THADA: variants seen among roughly 807,000 people sequenced by gnomAD.
The protein encoded by THADA is THADA armadillo repeat containing, also known as tRNA (32-2'-O)-methyltransferase regulator THADA.
A neutral mutation model predicts 219.8 loss-of-function variants in THADA; 213 were observed. The observed-to-expected ratio is 0.97, with a 90% CI of 0.87 to 1.09. The LOEUF (loss-of-function observed/expected upper bound fraction) is 1.09, where lower values mean the gene tolerates loss of function less well. THADA is among the 50% of genes least tolerant of loss of function. The probability of loss-of-function intolerance (pLI) is 0.00; values close to 1 mark genes in which losing one functional copy is unlikely to be tolerated. For missense variants in THADA, 2,956 were observed against 2,311.3 expected, an observed-to-expected ratio of 1.28 and a Z score of -5.72; for synonymous variants, 1,018 against 828.9, an observed-to-expected ratio of 1.23 and a Z score of -3.92.
intron 26 of THADA, among the ~76,000 whole-genome samples, chr2:43,469,887 A>T (rs1315333608): frequency 6.6e-6 from 1 of 152,196 alleles, no homozygotes; most frequent in Non-Finnish European, 1.5e-5. Context: ...ATTCCTGAGT[A>T]GGAAGGTGAC....
chr2:43,265,935 AC>A (rs1400743954), intron 36 of THADA, among the ~76,000 whole-genome samples: 1 of 394 alleles, frequency 2.5e-3, no homozygotes, highest in Non-Finnish European at 4.3e-3. Flanking sequence ...TTTGAAACAC[AC>A]ACACACACAC....
intron 29 of THADA, among the ~76,000 whole-genome samples, chr2:43,377,378 T>C (rs193143611): frequency 6.6e-6 from 1 of 152,224 alleles, no homozygotes; most frequent in East Asian, 1.9e-4. Flanking sequence ...CCCTCCTCTT[T>C]AGACATAGAT....
intron 36 of THADA, among the ~76,000 whole-genome samples, chr2:43,240,710 C>T (rs1572730394): frequency 6.6e-6 from 1 of 152,330 alleles, no homozygotes; most frequent in East Asian, 1.9e-4. Flanking sequence ...ACAAATGGCC[C>T]AGAGGAAGGT....
chr2:43,404,653 T>G (rs184538963), intron 28 of THADA, among the ~76,000 whole-genome samples: 3 of 152,194 alleles, frequency 2.0e-5, no homozygotes, highest in Non-Finnish European at 4.4e-5. Context: ...GGCATCATCA[T>G]GTCTGCTAGA....
intron 29 of THADA, among the ~76,000 whole-genome samples, chr2:43,354,075 C>T (rs1051106339): frequency 3.0e-4 from 45 of 152,152 alleles, no homozygotes; most frequent in African/African-American, 1.0e-3. Flanking sequence ...CCTCAGCCTA[C>T]CAAAGTGCTG....
At chr2:43,521,852 T>C (rs1692532699) in intron 22 of THADA, among the ~76,000 whole-genome samples, 1 of 152,244 alleles carries the variant, frequency 6.6e-6, no homozygotes, top group South Asian at 2.1e-4. Flanking sequence ...TAGACAATTA[T>C]TTTGTACCAA....
At chr2:43,562,864 G>A (rs917750243) in intron 15 of THADA, 5 of 152,126 alleles carry the variant, frequency 3.3e-5, no homozygotes, top group Non-Finnish European at 7.4e-5. Flanking sequence ...TGTTACAATT[G>A]TTCACTGTAC....
intron 26 of THADA, among the ~76,000 whole-genome samples, chr2:43,431,053 C>T (rs957554458): frequency 5.3e-5 from 8 of 152,144 alleles, no homozygotes; most frequent in African/African-American, 1.9e-4. Flanking sequence ...TCAGGCTGCA[C>T]CACTGACCAA....
chr2:43,528,347 C>T (rs753223139), intron 21 of THADA, among the ~76,000 whole-genome samples: 10 of 152,096 alleles, frequency 6.6e-5, no homozygotes, highest in Non-Finnish European at 1.3e-4. Context: ...CCAGGCTGGT[C>T]TCTAACTCCT....
At chr2:43,276,132 C>G (rs1487528503) in intron 36 of THADA, among the ~76,000 whole-genome samples, 1 of 152,112 alleles carries the variant, frequency 6.6e-6, no homozygotes, top group Admixed American at 6.5e-5. Context: ...TTTTTTTTCT[C>G]CTAGCTACAA....
chr2:43,452,972 G>T (rs1682530461), intron 26 of THADA, among the ~76,000 whole-genome samples: 1 of 152,110 alleles, frequency 6.6e-6, no homozygotes, highest in African/African-American at 2.4e-5. Flanking sequence ...AGAAAAGAGT[G>T]TGTGTATTTG....
intron 26 of THADA, among the ~76,000 whole-genome samples, chr2:43,462,304 C>T (rs1162844750): frequency 6.6e-6 from 1 of 152,056 alleles, no homozygotes; most frequent in African/African-American, 2.4e-5. Flanking sequence ...AAGGGGAAGG[C>T]GCTGACCAAA....
chr2:43,510,897 G>C (rs1237875729), intron 22 of THADA, among the ~76,000 whole-genome samples: 1 of 151,732 alleles, frequency 6.6e-6, no homozygotes, highest in African/African-American at 2.4e-5. Flanking sequence ...CTTGAACTCA[G>C]GAAGCAGAGA....
chr2:43,334,022 C>A (rs12468394), intron 30 of THADA, among the ~76,000 whole-genome samples: 72,591 of 152,068 alleles, frequency 0.48, 17,643 homozygotes, highest in South Asian at 0.63. Flanking sequence ...TAGAATCCTA[C>A]ACCAGAACTT....
intron 28 of THADA, among the ~76,000 whole-genome samples, chr2:43,407,872 G>C (rs1323132431): frequency 6.6e-6 from 1 of 152,058 alleles, no homozygotes; most frequent in Non-Finnish European, 1.5e-5. Context: ...TAAAAAGAAT[G>C]ATGGATTCCC....
rs1316967181 is a variant in THADA, at chr2:43,428,149, C to T, written c.4009G>A (p.Gly1337Ser). Residue 1337 changes from glycine (G) to serine (S), a missense_variant, in exon 28 of 38, where the codon GGT becomes AGT. Gly to Ser is a moderately conservative substitution (Grantham distance 56). Coordinates refer to ENST00000405975, the MANE Select transcript of THADA (RefSeq NM_022065.5). ...CCCATGCTGAGAGCAGAAGAAGTAC[C>T]ATCCATCGGGGAAGCGTAGAGTCTC... ...LERLYASPMD[G>S]TSSALSMGPF... 2 of 1,611,014 alleles carry T rather than the reference C, an allele frequency of 1.2e-6. No individual in the cohort carries two copies. The highest frequency in any genetic ancestry group is 2.7e-5 in the African/African-American group (2 of 74,928).
intron 36 of THADA, among the ~76,000 whole-genome samples, chr2:43,246,762 C>G (rs1572754726): frequency 6.6e-6 from 1 of 152,340 alleles, no homozygotes; most frequent in East Asian, 1.9e-4. Flanking sequence ...CTCCCCAGAG[C>G]TCTCAAGGCC....
At chr2:43,361,463 G>A (rs1244787771) in intron 29 of THADA, among the ~76,000 whole-genome samples, 8 of 152,210 alleles carry the variant, frequency 5.3e-5, no homozygotes, top group African/African-American at 9.7e-5. Flanking sequence ...TCTCAGTGCT[G>A]ATGTGAAAAG....
At chr2:43,350,818 A>T (rs1330308986) in intron 29 of THADA, among the ~76,000 whole-genome samples, 3 of 152,232 alleles carry the variant, frequency 2.0e-5, no homozygotes. Flanking sequence ...GTAAGAATAC[A>T]TCCTTAGGAT....
Sources: gnomAD v4.1 joint callset for allele counts (sites outside exome capture counted in the v4.1 genomes callset) on GRCh38, gnomAD v4.1.1 for gene constraint, MANE v1.5 for transcripts, NCBI Gene and HGNC (gene_info 2026-07-23, HGNC 2026-07-21) for gene names.